Variants in WNT5A observed in about 807,000 individuals in gnomAD.
WNT5A encodes Wnt family member 5A.
In WNT5A, 9 loss-of-function variants were observed where a neutral mutation model predicts 42.1. That is an observed-to-expected ratio of 0.21 (90% CI 0.13 to 0.37). WNT5A has a LOEUF of 0.37. WNT5A is among the 10% of genes least tolerant of loss of function. The probability of loss-of-function intolerance (pLI) is 1.00; values close to 1 mark genes in which losing one functional copy is unlikely to be tolerated. For synonymous variants in WNT5A, 210 were observed against 210.0 expected (o/e 1.00, Z 0.00); for missense variants, 426 against 534.0 (o/e 0.80, Z 1.99).
At chr3:55,491,197 T>A (rs988612792), upstream of WNT5A, among the ~76,000 whole-genome samples, 2 of 152,212 alleles carry the variant, frequency 1.3e-5, no homozygotes, top group African/African-American at 4.8e-5. Context: ...GGGTGGGGAC[T>A]GCCTTAGAAA....
In WNT5A at chr3:55,467,826, A is replaced by G. The variant is rs1394022179; in HGVS notation, c.*2266T>C. On this transcript the variant is annotated 3_prime_UTR_variant, in exon 5 of 5. Coordinates refer to ENST00000264634, the MANE Select transcript of WNT5A (RefSeq NM_003392.7). ...ACTCTCTTCATAAACATGAGTCACT[A>G]AAAAGGAACAATCTGATTTAGCAAA... 6.6e-6 allele frequency: 1 copy of G among 152,204 alleles called. No individual in the cohort carries two copies. Among genetic ancestry groups the G allele is most frequent in the Non-Finnish European group, 1.5e-5 (1 of 68,030 alleles). 9.4% of individuals were successfully genotyped at this position (152,204 alleles called of 1,614,324 possible).
upstream of WNT5A, among the ~76,000 whole-genome samples, chr3:55,493,541 C>T (rs1361156167): frequency 7.0e-6 from 1 of 143,268 alleles, no homozygotes; most frequent in Middle Eastern, 3.2e-3. Flanking sequence ...CTTGTTTTCT[C>T]TCAATAGAAA....
chr3:55,467,690 T>C lies in WNT5A; in HGVS notation c.*2402A>G, dbSNP rs1157522299. On this transcript the variant is annotated 3_prime_UTR_variant, in exon 5 of 5. Transcript: ENST00000264634. ...ATACAAATCACGCAAGACAGAAATA[T>C]GTACATTAAAAGTACAGAATAAAGG... 1.3e-5 allele frequency: 2 copies of C among 152,622 alleles called. No homozygotes were observed. The highest frequency in any genetic ancestry group is 6.5e-5 in the Admixed American group (1 of 15,288). 9.5% of individuals were successfully genotyped at this position (152,622 alleles called of 1,614,324 possible).
At chr3:55,475,928 TA>T (rs1054812341) in intron 3 of WNT5A, among the ~76,000 whole-genome samples, 1 of 151,672 alleles carries the variant, frequency 6.6e-6, no homozygotes, top group African/African-American at 2.4e-5. Context: ...AAGCGTGGGG[TA>T]GGGGTGGGAT....
chr3:55,474,324 A>T lies in WNT5A; in HGVS notation c.684+13T>A. The T allele has an allele frequency of 6.2e-7, 1 of 1,612,510 alleles. No homozygotes were observed. The highest frequency in any genetic ancestry group is 8.5e-7 in the Non-Finnish European group (1 of 1,179,714). ...GACAGAGATGCGGGGCGGGGGCGAG[A>T]CGCGGCACTCACCCTGCGGCCGGCC... is the stretch of plus-strand genomic sequence containing the variant. On this transcript the variant is annotated intron_variant, in intron 4 of 4. Transcript: ENST00000264634.
chr3:55,474,217 A>G, intron 4 of WNT5A, 120 bp downstream of exon 4: 1 of 1,256,262 alleles, frequency 8.0e-7, no homozygotes, highest in Non-Finnish European at 1.1e-6. Flanking sequence ...AGATAGAGAC[A>G]GGACCATATA....
At chr3:55,495,027 A>G (rs911974309), upstream of WNT5A, among the ~76,000 whole-genome samples, 1 of 152,196 alleles carries the variant, frequency 6.6e-6, no homozygotes, top group Admixed American at 6.5e-5. Context: ...TAATTTTTTA[A>G]AATTTTTCTA....
rs1426712128 is a variant in WNT5A at position 55,487,203 on chromosome 3, G to A, written c.-218C>T. On this transcript the variant is annotated 5_prime_UTR_variant, in exon 1 of 5. Coordinates refer to ENST00000264634, the MANE Select transcript of WNT5A (RefSeq NM_003392.7). ...TGGGGCAGAGCTGGGATGCGCCCAG[G>A]AATGGAGGGGGCGCGGACGCGCGCG... 3.9e-6 allele frequency: 2 copies of A among 517,934 alleles called. No homozygotes were observed. Among genetic ancestry groups the A allele is most frequent in the South Asian group, 2.9e-5 (1 of 34,928 alleles). 32.1% of individuals were successfully genotyped at this position (517,934 alleles called of 1,614,324 possible).
intron 1 of WNT5A, 114 bp from the exon 2 acceptor site, chr3:55,481,032 G>T (rs1323859213): frequency 1.7e-6 from 2 of 1,151,908 alleles, no homozygotes. Flanking sequence ...GATTGACTGC[G>T]CTTCTCCTCC....
chr3:55,489,098 C>T (rs973136107), upstream of WNT5A: 1 of 152,148 alleles, frequency 6.6e-6, no homozygotes, highest in African/African-American at 2.4e-5. Context: ...GGGTTCCGGG[C>T]ACCGGAATTT....
the WNT5A span, among the ~76,000 whole-genome samples, chr3:55,504,340 C>CAAAAAACA: frequency 6.6e-6 from 1 of 151,800 alleles, no homozygotes; most frequent in African/African-American, 2.4e-5. Flanking sequence ...TGCCTGCCCC[C>CAAAAAACA]AAAAAACAAA....
At chr3:55,503,906 A>G in the WNT5A span, among the ~76,000 whole-genome samples, 1 of 152,178 alleles carries the variant, frequency 6.6e-6, no homozygotes, top group South Asian at 2.1e-4. Context: ...CTATGATTGC[A>G]CTACTGCACT....
chr3:55,488,505 A>G (rs543375861), upstream of WNT5A, among the ~76,000 whole-genome samples: 758 of 143,646 alleles, frequency 5.3e-3, 6 homozygotes, highest in Middle Eastern at 0.011. Flanking sequence ...AAGGGGGGGG[A>G]AGAAAGAAAA....
the WNT5A span, among the ~76,000 whole-genome samples, chr3:55,504,690 C>G: frequency 6.6e-6 from 1 of 152,126 alleles, no homozygotes; most frequent in African/African-American, 2.4e-5. Flanking sequence ...TCTCAAACTC[C>G]CAACCTCAGG....
upstream of WNT5A, among the ~76,000 whole-genome samples, chr3:55,492,734 A>C (rs1253384651): frequency 6.6e-6 from 1 of 152,206 alleles, no homozygotes; most frequent in African/African-American, 2.4e-5. Flanking sequence ...ACTGAGCTCT[A>C]TGTGCCAGAT....
the WNT5A span, chr3:55,497,367 A>G: frequency 6.6e-6 from 1 of 152,400 alleles, no homozygotes; most frequent in South Asian, 2.1e-4. Flanking sequence ...AAGGGGGTCC[A>G]GCAAGCAAGT....
chr3:55,485,605 T>C (rs1257033892), intron 1 of WNT5A, among the ~76,000 whole-genome samples: 3 of 152,118 alleles, frequency 2.0e-5, no homozygotes, highest in Non-Finnish European at 4.4e-5. Context: ...GAAACTCCCC[T>C]GGCAGAGTCT....
upstream of WNT5A, chr3:55,489,773 CCTT>C (rs1270665230): frequency 6.6e-6 from 1 of 152,366 alleles, no homozygotes; most frequent in African/African-American, 2.4e-5. Flanking sequence ...CCTCTGTAAA[CCTT>C]GACCACTTCC....
chr3:55,504,471 CTT>C, the WNT5A span, among the ~76,000 whole-genome samples: 43 of 141,988 alleles, frequency 3.0e-4, no homozygotes, highest in African/African-American at 2.3e-4. Flanking sequence ...GGGTAAACCC[CTT>C]TTTTTTTTTT....
Sources: allele counts gnomAD v4.1 joint callset (sites outside exome capture counted in the v4.1 genomes callset), GRCh38; gene constraint gnomAD v4.1.1; transcripts MANE v1.5; gene names NCBI Gene and HGNC (gene_info 2026-07-23, HGNC 2026-07-21).